The following NEMF variants were observed in gnomAD, a reference collection of about 807,000 sequenced individuals.
The protein encoded by NEMF is nuclear export mediator factor.
NEMF carries 89 observed loss-of-function variants against 162.2 expected under a neutral mutation model. The observed-to-expected ratio is 0.55, with a 90% CI of 0.46 to 0.65. NEMF has a LOEUF of 0.65. Ranked by LOEUF, NEMF falls within the 30% of genes least tolerant of loss-of-function variation. The pLI, the probability that NEMF is intolerant of heterozygous loss-of-function variation, is 0.00. For synonymous variants in NEMF, 421 were observed against 404.5 expected (o/e 1.04, Z -0.49); for missense variants, 1,133 against 1,261.9 (o/e 0.90, Z 1.55).
rs1359694893 is a variant in NEMF at position 49,789,262 on chromosome 14, G to C, written c.2779C>G (p.Gln927Glu). ...TKDEPVKKQP[Q>E]KPRGGQRVSD... ...ACCCTCTGTCCACCTCTAGGTTTCTGGGGCTGTTTCTTCACAGGTTCGTCC... is the reference window on the plus strand; with the variant it reads ...ACCCTCTGTCCACCTCTAGGTTTCTCGGGCTGTTTCTTCACAGGTTCGTCC... Residue 927 changes from glutamine (Q) to glutamate (E), a missense_variant, in exon 28 of 33, where the codon CAG (glutamine) becomes GAG (glutamate). By Grantham distance (29) the Gln-to-Glu change is conservative. Coordinates refer to ENST00000298310, the MANE Select transcript of NEMF (RefSeq NM_004713.6). 3.1e-5 allele frequency: 50 copies of C among 1,613,954 alleles called. No homozygotes were observed. The highest frequency in any genetic ancestry group is 4.1e-5 in the Non-Finnish European group (48 of 1,180,000).
chr14:49,832,979 T>C (rs1032585755), intron 8 of NEMF, among the ~76,000 whole-genome samples: 4 of 152,082 alleles, frequency 2.6e-5, no homozygotes, highest in Non-Finnish European at 4.4e-5. Flanking sequence ...TAAAACACTA[T>C]CCTGGGCCGG....
At chr14:49,816,522 C>T (rs1297432673) in intron 16 of NEMF, among the ~76,000 whole-genome samples, 1 of 152,186 alleles carries the variant, frequency 6.6e-6, no homozygotes, top group Admixed American at 6.5e-5. Flanking sequence ...CTTTAAGGCT[C>T]AGGTGGGCAT....
chr14:49,793,918 T>C (rs63169460), intron 26 of NEMF, among the ~76,000 whole-genome samples: 10 of 144,562 alleles, frequency 6.9e-5, no homozygotes, highest in Non-Finnish European at 1.2e-4. Flanking sequence ...TTTTTTTTTT[T>C]CCAGATTTGT....
intron 18 of NEMF, among the ~76,000 whole-genome samples, chr14:49,812,656 C>T (rs1891533148): frequency 1.3e-5 from 2 of 152,080 alleles, no homozygotes; most frequent in African/African-American, 2.4e-5. Context: ...CTCTTTGTTC[C>T]ATTGCTTATT....
intron 26 of NEMF, among the ~76,000 whole-genome samples, chr14:49,790,513 A>G (rs1890389381): frequency 6.6e-6 from 1 of 152,304 alleles, no homozygotes; most frequent in South Asian, 2.1e-4. Context: ...AAAGAAAACA[A>G]TACCAAGTGT....
intron 16 of NEMF, among the ~76,000 whole-genome samples, chr14:49,818,968 C>T (rs1270715059): frequency 6.6e-6 from 1 of 152,108 alleles, no homozygotes; most frequent in Non-Finnish European, 1.5e-5. Flanking sequence ...AAATACCCTA[C>T]CATAAAATGT....
chr14:49,849,340 T>G (rs1407662815), intron 3 of NEMF, among the ~76,000 whole-genome samples: 1 of 152,174 alleles, frequency 6.6e-6, no homozygotes, highest in Non-Finnish European at 1.5e-5. Flanking sequence ...GATGGACACA[T>G]AGTACATATT....
intron 25 of NEMF, among the ~76,000 whole-genome samples, chr14:49,797,009 T>C (rs923370407): frequency 2.6e-5 from 4 of 152,196 alleles, no homozygotes; most frequent in African/African-American, 9.6e-5. Flanking sequence ...CTCTTACTCT[T>C]GAACTACTTT....
At position 49,783,202 on chromosome 14, in the gene NEMF, A is replaced by G. The variant is rs1012961401; in HGVS notation, c.*1434T>C. The G allele has an allele frequency of 1.6e-5, 5 of 308,926 alleles. No individual in the cohort carries two copies. Among genetic ancestry groups the G allele is most frequent in the South Asian group, 1.0e-4 (1 of 9,570 alleles). 19.1% of individuals were successfully genotyped at this position (308,926 alleles called of 1,614,324 possible). The stretch of plus-strand genomic sequence containing the variant: ...TTTTACCCTGAAGAATGGTTGCTAC[A>G]TTTTCTTTTCAGTAACTTCAGGATA... On this transcript the variant is annotated 3_prime_UTR_variant, in exon 33 of 33. Coordinates refer to ENST00000298310, the MANE Select transcript of NEMF (RefSeq NM_004713.6).
intron 26 of NEMF, among the ~76,000 whole-genome samples, chr14:49,790,987 C>G (rs1014635398): frequency 6.6e-6 from 1 of 151,892 alleles, no homozygotes; most frequent in Non-Finnish European, 1.5e-5. Flanking sequence ...GAGTAAAACT[C>G]TGTCTCAAAA....
intron 3 of NEMF, among the ~76,000 whole-genome samples, chr14:49,847,798 G>A (rs1262510989): frequency 4.0e-5 from 6 of 150,646 alleles, no homozygotes; most frequent in African/African-American, 9.8e-5. Context: ...TTGGGAGGCC[G>A]AGGTAGGTGG....
At chr14:49,838,585 G>GTTTT (rs200414717) in intron 5 of NEMF, among the ~76,000 whole-genome samples, 5 of 129,834 alleles carry the variant, frequency 3.9e-5, no homozygotes, top group East Asian at 2.2e-4. Context: ...TTTTTGTTTG[G>GTTTT]TTTTTTTTTT....
At chr14:49,794,001 T>C (rs181077762) in intron 26 of NEMF, among the ~76,000 whole-genome samples, 8 of 152,328 alleles carry the variant, frequency 5.3e-5, no homozygotes, top group Admixed American at 4.6e-4. Flanking sequence ...CGTTTTCACA[T>C]GGTTAGCCAT....
intron 17 of NEMF, 54 bp from the exon 18 acceptor site, chr14:49,814,104 C>CT: frequency 9.0e-7 from 1 of 1,114,632 alleles, no homozygotes; most frequent in Non-Finnish European, 1.3e-6. Context: ...ATTCTTTTTT[C>CT]CTTTTTTTTT....
intron 29 of NEMF, chr14:49,786,097 G>A (rs995965464): frequency 1.3e-5 from 2 of 152,646 alleles, no homozygotes; most frequent in Admixed American, 6.5e-5. Context: ...GATAGTTTTC[G>A]TTGACACGAT....
In NEMF at chr14:49,851,647, T is replaced by A. The variant is rs571941192; in HGVS notation, c.147A>T (p.Thr49=). ...TTCGTATGCCAGATTCAAGTAAAAG[T>A]GTAGCTTTAAAGTCCGGTCTGTAGA... ...IRLQKPDFKA[T]LLLESGIRIH... is the part of the protein sequence containing the mutation. Residue 49 remains threonine (T), a synonymous_variant, in exon 3 of 33, where the codon ACA becomes ACT. Coordinates refer to ENST00000298310, the MANE Select transcript of NEMF (RefSeq NM_004713.6). The A allele has an allele frequency of 2.9e-5, 46 of 1,613,770 alleles. No homozygotes were observed. Among genetic ancestry groups the A allele is most frequent in the African/African-American group, 4.0e-5 (3 of 74,934 alleles).
Position 49,782,466 on chromosome 14 carries a change from A to G in NEMF, c.*2170T>C, listed in dbSNP as rs183713492. ...TTGTCCATCACAGAGCTGTAAGTAT[A>G]CTACCTTCACATTATTACTGAAACT... On this transcript the variant is annotated 3_prime_UTR_variant, in exon 33 of 33. Coordinates refer to ENST00000298310, the MANE Select transcript of NEMF (RefSeq NM_004713.6). 261 of 1,605,552 alleles carry G rather than the reference A, an allele frequency of 1.6e-4. No homozygotes were observed. The African/African-American group carries it at 2.9e-3, about 18-fold the overall frequency.
chr14:49,807,819 G>T (rs1287525108), intron 18 of NEMF, among the ~76,000 whole-genome samples: 1 of 151,774 alleles, frequency 6.6e-6, no homozygotes, highest in Non-Finnish European at 1.5e-5. Flanking sequence ...GGCCAGGCTG[G>T]TCTCAAACTC....
intron 4 of NEMF, chr14:49,845,875 G>C: frequency 2.0e-6 from 1 of 503,534 alleles, no homozygotes; most frequent in Non-Finnish European, 3.5e-6. Flanking sequence ...GAAATGTCAA[G>C]TACCAAATAA....
Sources: allele counts gnomAD v4.1 joint callset (sites outside exome capture counted in the v4.1 genomes callset), GRCh38; gene constraint gnomAD v4.1.1; transcripts MANE v1.5; gene names NCBI Gene and HGNC (gene_info 2026-07-23, HGNC 2026-07-21).